CDS1: variants seen among roughly 807,000 people sequenced by gnomAD.
The protein encoded by CDS1 is phosphatidate cytidylyltransferase 1.
CDS1 carries 41 observed loss-of-function variants against 62.1 expected under a neutral mutation model. The ratio of observed to expected loss-of-function variants is 0.66; its 90% CI spans 0.51 to 0.86. CDS1 has a LOEUF of 0.86. CDS1 is among the 40% of genes least tolerant of loss of function. The probability of loss-of-function intolerance (pLI) is 0.00; values close to 1 mark genes in which losing one functional copy is unlikely to be tolerated. For synonymous variants in CDS1, 185 were observed against 192.6 expected, an observed-to-expected ratio of 0.96 and a Z score of 0.32; for missense variants, 470 against 550.1, an observed-to-expected ratio of 0.85 and a Z score of 1.46.
At chr4:84,617,438 A>C in intron 3 of CDS1, 126 bp from the exon 4 acceptor site, 1 of 606,694 alleles carries the variant, frequency 1.6e-6, no homozygotes, top group Non-Finnish European at 2.9e-6. Context: ...TTTTACTGAC[A>C]TTTAGCATAA....
intron 4 of CDS1, among the ~76,000 whole-genome samples, chr4:84,618,987 A>T (rs1420468729): frequency 6.6e-6 from 1 of 151,708 alleles, no homozygotes; most frequent in Non-Finnish European, 1.5e-5. Context: ...AAGTATTAAA[A>T]TCATACACAC....
intron 5 of CDS1, among the ~76,000 whole-genome samples, 188 bp from the exon 6 acceptor site, chr4:84,631,631 T>A (rs1724022383): frequency 6.6e-6 from 1 of 152,156 alleles, no homozygotes; most frequent in Non-Finnish European, 1.5e-5. Flanking sequence ...CTTTGGAGAG[T>A]ACAAGATTGT....
At chr4:84,606,330 G>A (rs12643724) in intron 2 of CDS1, among the ~76,000 whole-genome samples, 1 of 140,032 alleles carries the variant, frequency 7.1e-6, no homozygotes, top group African/African-American at 2.6e-5. Flanking sequence ...GTGTGTGTGT[G>A]TATGTGTGTG....
At chr4:84,607,706 G>A (rs1723173376) in intron 2 of CDS1, among the ~76,000 whole-genome samples, 1 of 151,958 alleles carries the variant, frequency 6.6e-6, no homozygotes, top group African/African-American at 2.4e-5. Flanking sequence ...GACCAGCCTG[G>A]GCAAGATAGT....
chr4:84,616,062 C>T (rs1162958024), intron 3 of CDS1, among the ~76,000 whole-genome samples: 1 of 152,194 alleles, frequency 6.6e-6, no homozygotes, highest in Non-Finnish European at 1.5e-5. Flanking sequence ...AGTGGATGTA[C>T]CCTAGCAAAT....
At chr4:84,600,686 G>A (rs1206666412) in intron 1 of CDS1, among the ~76,000 whole-genome samples, 1 of 152,134 alleles carries the variant, frequency 6.6e-6, no homozygotes, top group African/African-American at 2.4e-5. Flanking sequence ...GATTACAGTA[G>A]CTTTATAAGA....
intron 3 of CDS1, among the ~76,000 whole-genome samples, chr4:84,610,998 C>G (rs927637594): frequency 2.0e-5 from 3 of 152,128 alleles, no homozygotes; most frequent in Non-Finnish European, 4.4e-5. Flanking sequence ...AAGAATAATA[C>G]TAAGAGAGCA....
At chr4:84,596,912 G>C (rs1229121330) in intron 1 of CDS1, among the ~76,000 whole-genome samples, 1 of 152,180 alleles carries the variant, frequency 6.6e-6, no homozygotes, top group Non-Finnish European at 1.5e-5. Flanking sequence ...TCACACTGTG[G>C]GGAGCGCAGA....
intron 8 of CDS1, among the ~76,000 whole-genome samples, chr4:84,637,788 T>A (rs940568046): frequency 6.6e-6 from 1 of 152,232 alleles, no homozygotes; most frequent in Admixed American, 6.5e-5. Context: ...TAAATCGATA[T>A]GATATGCATC....
intron 4 of CDS1, among the ~76,000 whole-genome samples, chr4:84,619,088 G>GACA (rs1226260073): frequency 1.0e-5 from 1 of 99,414 alleles, no homozygotes; most frequent in Non-Finnish European, 2.4e-5. Context: ...CACACACACT[G>GACA]CTCCCGCCTC....
chr4:84,620,937 G>T (rs533427480), intron 5 of CDS1, among the ~76,000 whole-genome samples: 1 of 152,288 alleles, frequency 6.6e-6, no homozygotes, highest in South Asian at 2.1e-4. Flanking sequence ...GTGCATGCTT[G>T]TAATCCCAGC....
chr4:84,592,099 A>G lies in CDS1; in HGVS notation c.117+8581A>G, dbSNP rs1181788051. 4.6e-5 allele frequency among the ~76,000 whole-genome samples: 7 copies of G among 151,754 alleles called. No individual in the cohort carries two copies. The South Asian group carries it at 1.2e-3, about 27-fold the overall frequency. ...TCAGAACTTATTTAATGAGAATGAC[A>G]TCACATTTTGAAACAACTCTAGAAA... is the stretch of plus-strand genomic sequence containing the variant. On this transcript the variant is annotated intron_variant, in intron 1 of 12. Coordinates refer to ENST00000295887, the MANE Select transcript of CDS1 (RefSeq NM_001263.4).
chr4:84,601,788 C>T (rs1300367111), intron 1 of CDS1, among the ~76,000 whole-genome samples: 1 of 152,054 alleles, frequency 6.6e-6, no homozygotes, highest in East Asian at 1.9e-4. Flanking sequence ...TGGGGCATAC[C>T]TGTAATCCCA....
chr4:84,637,594 T>C (rs1578051633), intron 8 of CDS1, among the ~76,000 whole-genome samples: 1 of 152,066 alleles, frequency 6.6e-6, no homozygotes, highest in African/African-American at 2.4e-5. Context: ...CCTCCGACAC[T>C]GAGGATTACA....
chr4:84,615,377 T>A (rs977869984), intron 3 of CDS1, among the ~76,000 whole-genome samples: 8 of 152,106 alleles, frequency 5.3e-5, no homozygotes, highest in Admixed American at 2.0e-4. Flanking sequence ...CAAACTCTCA[T>A]GTCCAGTCAT....
At chr4:84,601,416 A>G (rs1458259872) in intron 1 of CDS1, among the ~76,000 whole-genome samples, 1 of 152,132 alleles carries the variant, frequency 6.6e-6, no homozygotes, top group Non-Finnish European at 1.5e-5. Context: ...TTGAATTTCA[A>G]ATGATGCCAG....
At chr4:84,625,197 C>T (rs776676520) in intron 5 of CDS1, among the ~76,000 whole-genome samples, 1 of 152,076 alleles carries the variant, frequency 6.6e-6, no homozygotes, top group Non-Finnish European at 1.5e-5. Flanking sequence ...ATACTTATTT[C>T]TGCCATAGAC....
intron 12 of CDS1, among the ~76,000 whole-genome samples, chr4:84,646,750 T>C (rs1356110873): frequency 6.6e-6 from 1 of 152,150 alleles, no homozygotes; most frequent in Admixed American, 6.5e-5. Flanking sequence ...TAGTTTTGGG[T>C]TGTAGTTTTG....
intron 5 of CDS1, among the ~76,000 whole-genome samples, chr4:84,631,098 C>T (rs969312798): frequency 1.2e-4 from 18 of 152,104 alleles, no homozygotes; most frequent in Non-Finnish European, 2.6e-4. Context: ...AAGAGTATTA[C>T]ATTTTACTAT....
Sources: allele counts gnomAD v4.1 joint callset (sites outside exome capture counted in the v4.1 genomes callset), GRCh38; gene constraint gnomAD v4.1.1; transcripts MANE v1.5; gene names NCBI Gene and HGNC (gene_info 2026-07-23, HGNC 2026-07-21).